The following CCDC178 variants were observed in gnomAD, a reference collection of about 807,000 sequenced individuals.
CCDC178 encodes coiled-coil domain containing 178, also known as coiled-coil domain-containing protein 178.
In CCDC178, 126 loss-of-function variants were observed where a neutral mutation model predicts 117.4. The ratio of observed to expected loss-of-function variants is 1.07; its 90% CI spans 0.93 to 1.24. The LOEUF (loss-of-function observed/expected upper bound fraction) is 1.24. Ranked by LOEUF, CCDC178 falls within the 50% of genes most tolerant of loss-of-function variation. CCDC178 has a pLI of 0.00. For missense variants in CCDC178, 1,030 were observed against 986.9 expected, an observed-to-expected ratio of 1.04 and a Z score of -0.59; for synonymous variants, 283 against 313.4, an observed-to-expected ratio of 0.90 and a Z score of 1.02.
chr18:33,196,832 G>A (rs2058936191), intron 20 of CCDC178, among the ~76,000 whole-genome samples: 1 of 152,104 alleles, frequency 6.6e-6, no homozygotes, highest in African/African-American at 2.4e-5. Context: ...GAAATGGGGA[G>A]TTTTTTGTTG....
intron 14 of CCDC178, among the ~76,000 whole-genome samples, chr18:33,261,289 T>C (rs944710907): frequency 2.0e-5 from 3 of 152,056 alleles, no homozygotes; most frequent in Non-Finnish European, 4.4e-5. Flanking sequence ...TTCACCGTGT[T>C]AGCCAGGATG....
At chr18:33,333,972 T>C (rs1246327586) in intron 9 of CCDC178, among the ~76,000 whole-genome samples, 1 of 152,196 alleles carries the variant, frequency 6.6e-6, no homozygotes, top group East Asian at 1.9e-4. Flanking sequence ...TTCTATAAAG[T>C]ACTCTATGTA....
chr18:33,032,531 T>C (rs535974992), intron 21 of CCDC178, among the ~76,000 whole-genome samples: 48 of 152,240 alleles, frequency 3.2e-4, no homozygotes, highest in African/African-American at 1.1e-3. Context: ...TTTTCTTGTA[T>C]GTTTGCATAC....
At chr18:33,244,333 C>G (rs1379455386) in intron 15 of CCDC178, among the ~76,000 whole-genome samples, 1 of 151,790 alleles carries the variant, frequency 6.6e-6, no homozygotes, top group Non-Finnish European at 1.5e-5. Flanking sequence ...AGTGGCCCTG[C>G]AGGTGCAGTA....
At chr18:33,073,195 T>C (rs996876897) in intron 21 of CCDC178, among the ~76,000 whole-genome samples, 2 of 151,728 alleles carry the variant, frequency 1.3e-5, no homozygotes, top group African/African-American at 4.8e-5. Flanking sequence ...ATGAAAATCA[T>C]TTGCAGCCTG....
intron 21 of CCDC178, among the ~76,000 whole-genome samples, chr18:32,986,854 A>T (rs2055274329): frequency 6.6e-6 from 1 of 152,100 alleles, no homozygotes. Flanking sequence ...AGTCTGAATT[A>T]AAATTCTCTA....
chr18:33,031,162 C>T (rs1186403411), intron 21 of CCDC178, among the ~76,000 whole-genome samples: 1 of 151,324 alleles, frequency 6.6e-6, no homozygotes. Context: ...TTCTTTACTG[C>T]TTCCTTTTAC....
intron 21 of CCDC178, among the ~76,000 whole-genome samples, chr18:32,981,738 C>T (rs1259435774): frequency 6.6e-6 from 1 of 151,976 alleles, no homozygotes; most frequent in Non-Finnish European, 1.5e-5. Context: ...GTGATCTTAC[C>T]TATAATAAAC....
intron 20 of CCDC178, among the ~76,000 whole-genome samples, chr18:33,134,544 T>C (rs997014314): frequency 6.6e-6 from 1 of 152,098 alleles, no homozygotes; most frequent in African/African-American, 2.4e-5. Context: ...ATTTATTCTA[T>C]CTACATATAA....
chr18:33,301,883 T>A (rs1184960260), intron 11 of CCDC178, among the ~76,000 whole-genome samples: 1 of 152,018 alleles, frequency 6.6e-6, no homozygotes, highest in African/African-American at 2.4e-5. Context: ...GAGTTAAGAC[T>A]TTTTTTTATT....
chr18:33,080,231 C>T (rs1327078601), intron 21 of CCDC178, among the ~76,000 whole-genome samples: 3 of 151,960 alleles, frequency 2.0e-5, no homozygotes, highest in Non-Finnish European at 4.4e-5. Flanking sequence ...GATGAGAACT[C>T]GTGGACACAA....
At chr18:33,108,214 C>T (rs951867434) in intron 20 of CCDC178, among the ~76,000 whole-genome samples, 10 of 151,534 alleles carry the variant, frequency 6.6e-5, no homozygotes, top group East Asian at 1.9e-4. Flanking sequence ...AGTGTTTATG[C>T]TTTCAAACAT....
intron 21 of CCDC178, among the ~76,000 whole-genome samples, chr18:33,085,381 G>T (rs567064428): frequency 3.6e-4 from 55 of 152,198 alleles, no homozygotes; most frequent in African/African-American, 1.3e-3. Context: ...GGCTAACACG[G>T]TGAAACCCCG....
intron 22 of CCDC178, among the ~76,000 whole-genome samples, chr18:32,943,802 T>G (rs1003001680): frequency 6.6e-6 from 1 of 152,212 alleles, no homozygotes; most frequent in Non-Finnish European, 1.5e-5. Context: ...CTTCTGAAAT[T>G]TATTGTCCAC....
chr18:33,107,146 T>C (rs1280687056), intron 20 of CCDC178, among the ~76,000 whole-genome samples: 1 of 151,700 alleles, frequency 6.6e-6, no homozygotes, highest in African/African-American at 2.4e-5. Flanking sequence ...TTGTGTCTTT[T>C]TAAACTTATA....
At chr18:33,303,519 T>C (rs1241963380) in intron 11 of CCDC178, among the ~76,000 whole-genome samples, 1 of 152,042 alleles carries the variant, frequency 6.6e-6, no homozygotes, top group Non-Finnish European at 1.5e-5. Flanking sequence ...TCAATGTAAG[T>C]TTGATGTTGT....
At chr18:33,181,834 A>G (rs1403574864) in intron 20 of CCDC178, among the ~76,000 whole-genome samples, 2 of 151,904 alleles carry the variant, frequency 1.3e-5, no homozygotes, top group Non-Finnish European at 2.9e-5. Flanking sequence ...CTACCTAACA[A>G]CAACAAAATA....
chr18:33,421,385 G>C (rs2064021857), intron 2 of CCDC178, among the ~76,000 whole-genome samples: 2 of 152,172 alleles, frequency 1.3e-5, no homozygotes, highest in South Asian at 4.1e-4. Context: ...AGCTTGGCTT[G>C]TTAACTTGCC....
intron 21 of CCDC178, among the ~76,000 whole-genome samples, chr18:33,070,340 G>A (rs2057086629): frequency 6.6e-6 from 1 of 152,044 alleles, no homozygotes; most frequent in Non-Finnish European, 1.5e-5. Context: ...ATACTATTCA[G>A]CCATAAAAAA....
Sources: allele counts gnomAD v4.1 joint callset (sites outside exome capture counted in the v4.1 genomes callset), GRCh38; gene constraint gnomAD v4.1.1; transcripts MANE v1.5; gene names NCBI Gene and HGNC (gene_info 2026-07-23, HGNC 2026-07-21).